CACNA1E: variants seen among roughly 807,000 people sequenced by gnomAD.
CACNA1E encodes the protein calcium voltage-gated channel subunit alpha1 E, also known as voltage-dependent R-type calcium channel subunit alpha-1E.
CACNA1E carries 40 observed loss-of-function variants against 259.2 expected under a neutral mutation model. The observed-to-expected ratio is 0.15, with a 90% CI of 0.12 to 0.20. The LOEUF (loss-of-function observed/expected upper bound fraction) is 0.20. CACNA1E is among the 10% of genes least tolerant of loss of function. The pLI, the probability that CACNA1E is intolerant of heterozygous loss-of-function variation, is 1.00. For missense variants in CACNA1E, 1,874 were observed against 3,040.1 expected (o/e 0.62, Z 9.02); for synonymous variants, 1,104 against 1,138.5 (o/e 0.97, Z 0.61).
intron 3 of CACNA1E, among the ~76,000 whole-genome samples, chr1:181,564,039 T>C (rs943960817): frequency 2.2e-4 from 33 of 152,220 alleles, no homozygotes; most frequent in African/African-American, 7.7e-4. Context: ...TGTAATCTTT[T>C]TGCTCCTGGT....
intron 1 of CACNA1E, among the ~76,000 whole-genome samples, chr1:181,365,605 C>T (rs536153479): frequency 5.3e-5 from 8 of 152,330 alleles, no homozygotes; most frequent in African/African-American, 1.9e-4. Flanking sequence ...AGGCCTGGGC[C>T]GGGGTGGTCA....
chr1:181,693,128 CAAAAAAAA>C (rs61662957), intron 7 of CACNA1E, among the ~76,000 whole-genome samples: 3 of 97,848 alleles, frequency 3.1e-5, no homozygotes, highest in African/African-American at 1.2e-4. Flanking sequence ...CTATCTAAAG[CAAAAAAAA>C]AAAAAAAAAA....
intron 39 of CACNA1E, among the ~76,000 whole-genome samples, chr1:181,782,265 C>A (rs1234524012): frequency 1.3e-5 from 2 of 152,240 alleles, no homozygotes; most frequent in African/African-American, 4.8e-5. Flanking sequence ...GGCCTGGCCC[C>A]AGAGTTATGG....
At chr1:181,795,275 A>C (rs1209639547) in intron 46 of CACNA1E, among the ~76,000 whole-genome samples, 1 of 152,184 alleles carries the variant, frequency 6.6e-6, no homozygotes, top group Non-Finnish European at 1.5e-5. Context: ...TTCCTTCTGG[A>C]GCAGGGCTAT....
chr1:181,769,351 GAA>G (rs10707692), intron 35 of CACNA1E, among the ~76,000 whole-genome samples: 114 of 134,650 alleles, frequency 8.5e-4, no homozygotes, highest in South Asian at 3.5e-3. Flanking sequence ...GTGAAAAGTT[GAA>G]AAAAAAAAAA....
chr1:181,321,842 G>A (rs1650377572), intron 1 of CACNA1E, among the ~76,000 whole-genome samples: 1 of 152,188 alleles, frequency 6.6e-6, no homozygotes, highest in South Asian at 2.1e-4. Context: ...ATGTGACCTT[G>A]TGCAAATCGG....
chr1:181,388,890 TC>T (rs201661874), intron 1 of CACNA1E, among the ~76,000 whole-genome samples: 8,925 of 146,650 alleles, frequency 0.061, 816 homozygotes, highest in African/African-American at 0.2. Flanking sequence ...AAACTCCATC[TC>T]CAAAAAAAAA....
chr1:181,366,442 A>C (rs1310729825), intron 1 of CACNA1E, among the ~76,000 whole-genome samples: 1 of 152,176 alleles, frequency 6.6e-6, no homozygotes, highest in Non-Finnish European at 1.5e-5. Flanking sequence ...GACCTGAGGC[A>C]CTTTGAGGGG....
intron 1 of CACNA1E, among the ~76,000 whole-genome samples, chr1:181,408,062 T>C (rs143726739): frequency 5.7e-4 from 87 of 152,324 alleles, no homozygotes; most frequent in African/African-American, 2.0e-3. Context: ...ATCAGTTCCA[T>C]TTCTGTCCAC....
intron 6 of CACNA1E, among the ~76,000 whole-genome samples, chr1:181,647,284 G>T (rs1658360704): frequency 6.6e-6 from 1 of 152,132 alleles, no homozygotes; most frequent in Non-Finnish European, 1.5e-5. Flanking sequence ...GGTTCTCCTG[G>T]GGCCAGAATC....
chr1:181,347,785 C>T (rs1264978527), intron 1 of CACNA1E, among the ~76,000 whole-genome samples: 2 of 152,226 alleles, frequency 1.3e-5, no homozygotes, highest in Admixed American at 6.5e-5. Context: ...GGGGATAGCC[C>T]CTTCACCACG....
Position 181,766,539 on chromosome 1 carries a change from C to T in CACNA1E, c.4816-7C>T, listed in dbSNP as rs983187062. The T allele has an allele frequency of 1.1e-5, 18 of 1,610,092 alleles. No individual in the cohort carries two copies. The highest frequency in any genetic ancestry group is 1.3e-5 in the African/African-American group (1 of 74,988). On this transcript the variant is annotated splice_region_variant and splice_polypyrimidine_tract_variant and intron_variant, in intron 34 of 47. Transcript: ENST00000367573. ...TGATTAACGTCTTATCTCTGCTTTC[C>T]TTCCAGGCCCTCCCTTATGTCTGCC...
chr1:181,358,460 T>A (rs1294077467), intron 1 of CACNA1E, among the ~76,000 whole-genome samples: 1 of 152,222 alleles, frequency 6.6e-6, no homozygotes, highest in African/African-American at 2.4e-5. Context: ...TTTGGTGAAA[T>A]CTTATTCAAT....
chr1:181,535,591 A>G (rs1033048397), intron 3 of CACNA1E, among the ~76,000 whole-genome samples: 4 of 152,058 alleles, frequency 2.6e-5, no homozygotes, highest in African/African-American at 9.7e-5. Flanking sequence ...ACCCATACCC[A>G]TGCACATATA....
At chr1:181,511,753 C>G (rs1279046166) in intron 3 of CACNA1E, among the ~76,000 whole-genome samples, 1 of 152,244 alleles carries the variant, frequency 6.6e-6, no homozygotes, top group East Asian at 1.9e-4. Context: ...TCAGCCAGGT[C>G]TGGAAGCTGC....
In CACNA1E at chr1:181,798,447, T is replaced by G; in HGVS notation, c.6555T>G (p.Pro2185=). The change falls in exon 48 of 48, where the codon CCT becomes CCG. Residue 2185 remains proline (P), a synonymous_variant. Coordinates refer to ENST00000367573, the MANE Select transcript of CACNA1E (RefSeq NM_001205293.3). This position sits in a 1 kb window ranked among gnomAD's most constrained non-coding sequence, Gnocchi z 4.2. ...GACACGCGGGCAGCATCTCTCCACC[T>G]GCTGATGGAAGCGAGGAGGGCTCCC... ...LIRHAGSISP[P]ADGSEEGSPL... The G allele has an allele frequency of 1.9e-6, 3 of 1,613,874 alleles. No individual in the cohort carries two copies. The highest frequency in any genetic ancestry group is 2.5e-6 in the Non-Finnish European group (3 of 1,179,894).
intron 3 of CACNA1E, among the ~76,000 whole-genome samples, chr1:181,554,533 T>G (rs1648523903): frequency 1.3e-5 from 2 of 152,218 alleles, no homozygotes; most frequent in South Asian, 4.1e-4. Flanking sequence ...TTGGATCGGT[T>G]TATTCCAAGA....
At chr1:181,666,319 G>A (rs1648218634) in intron 7 of CACNA1E, among the ~76,000 whole-genome samples, 1 of 152,012 alleles carries the variant, frequency 6.6e-6, no homozygotes, top group Non-Finnish European at 1.5e-5. Flanking sequence ...TGTGTGCCAG[G>A]CAGTATTCTA....
intron 6 of CACNA1E, among the ~76,000 whole-genome samples, chr1:181,646,337 GC>G (rs1658262647): frequency 6.6e-6 from 1 of 152,182 alleles, no homozygotes; most frequent in Non-Finnish European, 1.5e-5. Flanking sequence ...ACACAGGAGA[GC>G]CCCCACCAAA....
Sources: gnomAD v4.1 joint callset for allele counts (sites outside exome capture counted in the v4.1 genomes callset) on GRCh38, gnomAD v4.1.1 for gene constraint, Gnocchi (gnomAD v3.1) non-coding constraint, MANE v1.5 for transcripts, NCBI Gene and HGNC (gene_info 2026-07-23, HGNC 2026-07-21) for gene names.